The following MTA3 variants were observed in gnomAD, a reference collection of about 807,000 sequenced individuals.
The protein encoded by MTA3 is metastasis-associated protein MTA3.
In MTA3, 34 loss-of-function variants were observed where a neutral mutation model predicts 83.5. The ratio of observed to expected loss-of-function variants is 0.41; its 90% CI spans 0.31 to 0.54. The LOEUF (loss-of-function observed/expected upper bound fraction) is 0.54, where lower values mean the gene tolerates loss of function less well. Ranked by LOEUF, MTA3 falls within the 20% of genes least tolerant of loss-of-function variation. MTA3 has a pLI of 0.33. For synonymous variants in MTA3, 303 were observed against 252.7 expected (o/e 1.20, Z -1.89); for missense variants, 761 against 726.4 (o/e 1.05, Z -0.55).
At chr2:42,571,556 T>C (rs1277401787) in intron 2 of MTA3, among the ~76,000 whole-genome samples, 1 of 152,220 alleles carries the variant, frequency 6.6e-6, no homozygotes, top group Non-Finnish European at 1.5e-5. Flanking sequence ...CAGACCCTTT[T>C]TATGTTTAGA....
chr2:42,605,761 G>A (rs1248915370), intron 3 of MTA3, among the ~76,000 whole-genome samples: 2 of 123,896 alleles, frequency 1.6e-5, no homozygotes, highest in Non-Finnish European at 3.4e-5. Flanking sequence ...CCGGGCAGAG[G>A]GGCTCCTCAC....
intron 2 of MTA3, among the ~76,000 whole-genome samples, chr2:42,526,952 G>T (rs953916480): frequency 6.7e-6 from 1 of 149,810 alleles, no homozygotes; most frequent in East Asian, 2.0e-4. Context: ...TACTCGAGAA[G>T]CTGAGGCAGG....
chr2:42,599,042 C>T lies in MTA3; in HGVS notation c.191-10416C>T, dbSNP rs1484909288. Among the ~76,000 whole-genome samples the T allele has an allele frequency of 2.6e-5, 4 of 152,144 alleles. No homozygotes were observed. In the East Asian group the frequency reaches 5.8e-4, roughly 22 times the overall value. On this transcript the variant is annotated intron_variant, in intron 3 of 16. Transcript: ENST00000405094. ...GGAATGTGGAGAATGGTTGTGGCTG[C>T]TCTCCTTTTTAACTTCGTTTGCTAG... is the stretch of plus-strand genomic sequence containing the variant.
intron 11 of MTA3, among the ~76,000 whole-genome samples, chr2:42,700,291 T>C (rs1373798893): frequency 6.6e-6 from 1 of 152,198 alleles, no homozygotes; most frequent in Non-Finnish European, 1.5e-5. Context: ...AATGTGTCTT[T>C]TAAAACATTA....
intron 14 of MTA3, among the ~76,000 whole-genome samples, chr2:42,715,574 T>TA (rs531447951): frequency 1.3e-5 from 2 of 152,184 alleles, no homozygotes; most frequent in Non-Finnish European, 2.9e-5. Context: ...ATTAGTGAAA[T>TA]ATGCTTCTTT....
chr2:42,634,565 C>T (rs1342420419), intron 4 of MTA3, among the ~76,000 whole-genome samples: 1 of 152,128 alleles, frequency 6.6e-6, no homozygotes, highest in Non-Finnish European at 1.5e-5. Context: ...CCACTAGGTC[C>T]CTCCCTCGAC....
chr2:42,528,505 C>A (rs1056052817), intron 2 of MTA3, among the ~76,000 whole-genome samples: 2 of 152,354 alleles, frequency 1.3e-5, no homozygotes, highest in South Asian at 4.1e-4. Context: ...CAGGCATGAG[C>A]CACCGCGCCT....
chr2:42,542,685 G>C (rs999827524), intron 2 of MTA3, among the ~76,000 whole-genome samples: 3 of 151,940 alleles, frequency 2.0e-5, no homozygotes, highest in Non-Finnish European at 4.4e-5. Context: ...CTGAGTAGCT[G>C]GGATTACAGG....
At chr2:42,693,368 T>G (rs1693089008) in intron 9 of MTA3, among the ~76,000 whole-genome samples, 1 of 152,214 alleles carries the variant, frequency 6.6e-6, no homozygotes, top group African/African-American at 2.4e-5. Flanking sequence ...AGATGCTGTC[T>G]GAGAACCAGG....
chr2:42,623,675 A>G (rs1573350865), intron 4 of MTA3, among the ~76,000 whole-genome samples: 1 of 145,788 alleles, frequency 6.9e-6, no homozygotes, highest in Middle Eastern at 3.3e-3. Context: ...ATGCCCCTTG[A>G]GTTTTCATCT....
At chr2:42,536,130 A>AG (rs1464511422) in intron 2 of MTA3, among the ~76,000 whole-genome samples, 1 of 143,020 alleles carries the variant, frequency 7.0e-6, no homozygotes, top group East Asian at 2.1e-4. Flanking sequence ...AAAAAAAAAA[A>AG]AAGCCATAGA....
At chr2:42,521,234 G>A (rs539969564) in intron 2 of MTA3, among the ~76,000 whole-genome samples, 1 of 152,244 alleles carries the variant, frequency 6.6e-6, no homozygotes, top group East Asian at 1.9e-4. Context: ...GCCATGTTGT[G>A]AGCTGCTTTT....
At chr2:42,624,361 G>A (rs1251330546) in intron 4 of MTA3, among the ~76,000 whole-genome samples, 1 of 151,064 alleles carries the variant, frequency 6.6e-6, no homozygotes, top group Non-Finnish European at 1.5e-5. Context: ...TGCTCTTGTT[G>A]CCCAGGCTGG....
At chr2:42,666,374 C>T (rs1048985807) in intron 8 of MTA3, among the ~76,000 whole-genome samples, 2 of 152,168 alleles carry the variant, frequency 1.3e-5, no homozygotes, top group African/African-American at 4.8e-5. Context: ...AGGGTTAAAA[C>T]TTAGATCATT....
In MTA3 at chr2:42,586,947, C is replaced by T. The variant is rs552073508; in HGVS notation, c.190+7747C>T. On this transcript the variant is annotated intron_variant, in intron 3 of 16. Coordinates refer to ENST00000405094, the MANE Select transcript of MTA3 (RefSeq NM_001330442.2). ...CTGAGGCAAGAGAATCGCTTGAACC[C>T]GGGAGGTGGAGGTTGCAGTGAGCTG... Among the ~76,000 whole-genome samples, 12 of 152,252 alleles carry T rather than the reference C, an allele frequency of 7.9e-5. No homozygotes were observed. In the South Asian group the frequency reaches 1.7e-3, roughly 21 times the overall value.
chr2:42,570,954 G>T (rs969963911), intron 2 of MTA3, among the ~76,000 whole-genome samples: 1 of 151,718 alleles, frequency 6.6e-6, no homozygotes, highest in Non-Finnish European at 1.5e-5. Context: ...CGGAGGTTGC[G>T]GTGAGCCAAG....
chr2:42,549,337 G>T (rs1446675722), intron 2 of MTA3, among the ~76,000 whole-genome samples: 2 of 112,712 alleles, frequency 1.8e-5, no homozygotes, highest in African/African-American at 3.5e-5. Context: ...ATACGTATAC[G>T]TATACATTAT....
At chr2:42,587,838 G>A (rs1328676112) in intron 3 of MTA3, among the ~76,000 whole-genome samples, 1 of 152,182 alleles carries the variant, frequency 6.6e-6, no homozygotes, top group Non-Finnish European at 1.5e-5. Context: ...CTGGCCTCAA[G>A]TGATCTGCCC....
At chr2:42,647,378 C>T (rs934009856) in intron 6 of MTA3, among the ~76,000 whole-genome samples, 1 of 151,764 alleles carries the variant, frequency 6.6e-6, no homozygotes, top group African/African-American at 2.4e-5. Context: ...CATGTGCCAC[C>T]ATGCCCAGCT....
Sources: allele counts gnomAD v4.1 joint callset (sites outside exome capture counted in the v4.1 genomes callset), GRCh38; gene constraint gnomAD v4.1.1; transcripts MANE v1.5; gene names NCBI Gene and HGNC (gene_info 2026-07-23, HGNC 2026-07-21).